MIDEAS: variants seen among roughly 807,000 people sequenced by gnomAD.
MIDEAS encodes the protein mitotic deacetylase-associated SANT domain protein.
In MIDEAS, 26 loss-of-function variants were observed where a neutral mutation model predicts 102.7. That is an observed-to-expected ratio of 0.25 (90% CI 0.19 to 0.35). MIDEAS has a LOEUF of 0.35. Among genes scored for constraint, MIDEAS ranks in the 10% least tolerant of loss-of-function variants. The pLI is 1.00. For synonymous variants in MIDEAS, 585 were observed against 591.0 expected (o/e 0.99, Z 0.15); for missense variants, 1,231 against 1,435.6 (o/e 0.86, Z 2.30).
intron 1 of MIDEAS, among the ~76,000 whole-genome samples, chr14:73,765,452 A>G (rs1002815856): frequency 6.6e-6 from 1 of 152,184 alleles, no homozygotes; most frequent in Admixed American, 6.5e-5. Flanking sequence ...TAAGTCTTTT[A>G]TAAGTGTTGG....
intron 9 of MIDEAS, chr14:73,724,655 TA>T (rs1410998180): frequency 6.4e-6 from 1 of 155,578 alleles, no homozygotes; most frequent in East Asian, 1.9e-4. Flanking sequence ...ATGCTCTTTT[TA>T]AAAACTCTTT....
At chr14:73,769,061 G>A (rs560470446) in intron 1 of MIDEAS, among the ~76,000 whole-genome samples, 234 of 152,314 alleles carry the variant, frequency 1.5e-3, no homozygotes, top group African/African-American at 5.6e-3. Flanking sequence ...TGGGCCAGAT[G>A]CATTCCAGTG....
intron 1 of MIDEAS, among the ~76,000 whole-genome samples, chr14:73,786,172 G>A (rs745911550): frequency 1.8e-4 from 28 of 152,162 alleles, no homozygotes; most frequent in Non-Finnish European, 3.2e-4. Context: ...CGCCGCCGCC[G>A]CTACAGTTGC....
At chr14:73,760,460 TC>T (rs1318372255), upstream of MIDEAS, among the ~76,000 whole-genome samples, 1 of 151,932 alleles carries the variant, frequency 6.6e-6, no homozygotes, top group Non-Finnish European at 1.5e-5. This position sits in a 1 kb window ranked among gnomAD's most constrained non-coding sequence, Gnocchi z 4.8. Context: ...GCCGTCCCCA[TC>T]CCCCGCCCAG....
rs2052931860 is a variant in MIDEAS, at chr14:73,718,743, C to T, written c.*100G>A. On this transcript the variant is annotated 3_prime_UTR_variant, in exon 13 of 13. Transcript: ENST00000423556. Reference sequence around the variant, plus strand: ...TTTCGCAGGGAAAAGTCCCTGCAATCCTCTCCTCACTCCCTCTTGAGATGC... The same window carrying T: ...TTTCGCAGGGAAAAGTCCCTGCAATTCTCTCCTCACTCCCTCTTGAGATGC... The T allele has an allele frequency of 8.2e-7, 1 of 1,212,942 alleles. No homozygotes were observed. Among genetic ancestry groups the T allele is most frequent in the Non-Finnish European group, 1.1e-6 (1 of 941,614 alleles). 75.1% of individuals were successfully genotyped at this position (1,212,942 alleles called of 1,614,324 possible).
In MIDEAS at chr14:73,740,075, C is replaced by A; in HGVS notation, c.-67G>T. On this transcript the variant is annotated 5_prime_UTR_variant, in exon 2 of 13. Coordinates refer to ENST00000423556, the MANE Select transcript of MIDEAS (RefSeq NM_001367710.1). ...AGTCGCCCATCCCCTGGGGAAACGT[C>A]CTGCTGGAAGCCGGGCTCTAGTCCA... is the stretch of plus-strand genomic sequence containing the variant. 1.4e-6 allele frequency: 2 copies of A among 1,411,630 alleles called. No homozygotes were observed. Among genetic ancestry groups the A allele is most frequent in the Admixed American group, 2.6e-5 (1 of 37,926 alleles). 87.4% of individuals were successfully genotyped at this position (1,411,630 alleles called of 1,614,324 possible).
intron 1 of MIDEAS, among the ~76,000 whole-genome samples, chr14:73,751,464 G>A (rs2053418494): frequency 6.6e-6 from 1 of 152,202 alleles, no homozygotes; most frequent in Admixed American, 6.5e-5. Context: ...GGGCAGGTGA[G>A]TGGCTTTGAA....
Position 73,719,318 on chromosome 14 carries a change from T to A in MIDEAS, c.3121A>T (p.Lys1041Ter). The A allele has an allele frequency of 6.2e-7, 1 of 1,609,052 alleles. No homozygotes were observed. The highest frequency in any genetic ancestry group is 8.5e-7 in the Non-Finnish European group (1 of 1,177,112). ...TGCCCACCTTACCTGCCACATTTTT[T>A]ACAGGGGAAAGTGTTCTCCTGATTC... ...TQNQENTFPC[K>*]KCGRVFYKVK... Residue 1041 changes from lysine to a stop codon, truncating the protein, a stop_gained, in exon 12 of 13, where the codon AAA becomes TAA. Transcript: ENST00000423556. LOFTEE classifies it high-confidence loss of function.
chr14:73,775,205 G>A (rs1595299278), intron 1 of MIDEAS, among the ~76,000 whole-genome samples: 1 of 151,942 alleles, frequency 6.6e-6, no homozygotes, highest in East Asian at 1.9e-4. Context: ...TGCTAGGGAA[G>A]GGGTAGTGGT....
intron 4 of MIDEAS, chr14:73,728,314 A>G (rs1595257448): frequency 6.6e-6 from 1 of 151,656 alleles, no homozygotes; most frequent in African/African-American, 2.4e-5. Context: ...AATGTGAGAT[A>G]AAACCTGCAA....
rs747867898 is a variant in MIDEAS, at chr14:73,739,235, CTGCTGCTGCTGTGGT to C, written c.759_773del (p.Pro254_Gln258del). 8.1e-6 allele frequency: 13 copies of C among 1,612,588 alleles called. No homozygotes were observed. Among genetic ancestry groups the C allele is most frequent in the Non-Finnish European group, 9.3e-6 (11 of 1,179,630 alleles). On this transcript the variant is annotated inframe_deletion, in exon 2 of 13. Coordinates refer to ENST00000423556, the MANE Select transcript of MIDEAS (RefSeq NM_001367710.1). ...GGGGTAGGGCTGCCTGCTGCTGCTG[CTGCTGCTGCTGTGGT>C]TGCTGCTGCTGCTGCTGCTTCTGTG...
chr14:73,729,639 C>A lies in MIDEAS; in HGVS notation c.2095+1G>T. On this transcript the variant is annotated splice_donor_variant, in intron 4 of 12. Coordinates refer to ENST00000423556, the MANE Select transcript of MIDEAS (RefSeq NM_001367710.1). LOFTEE classifies it high-confidence loss of function. ...CAGGGTCGCGGAGGGAGGTCACTCA[C>A]TAGTCCGGAGCAGCGTGCGATGGGC... 1 of 1,599,546 alleles carries A rather than the reference C, an allele frequency of 6.3e-7. No individual in the cohort carries two copies. Among genetic ancestry groups the A allele is most frequent in the Non-Finnish European group, 8.5e-7 (1 of 1,170,402 alleles).
rs2052903370 is a variant in MIDEAS, at chr14:73,717,091, G to A, written c.*1752C>T. ...TGGGGTCCTGTAGAACCATACTAAT[G>A]TACAAATGGATGCTGAAAAATACCT... On this transcript the variant is annotated 3_prime_UTR_variant, in exon 13 of 13. Coordinates refer to ENST00000423556, the MANE Select transcript of MIDEAS (RefSeq NM_001367710.1). 1 of 152,280 alleles carries A rather than the reference G, an allele frequency of 6.6e-6. No homozygotes were observed. Among genetic ancestry groups the A allele is most frequent in the African/African-American group, 2.4e-5 (1 of 41,414 alleles). 9.4% of individuals were successfully genotyped at this position (152,280 alleles called of 1,614,324 possible). A position where few individuals can be genotyped will look rare whatever the true frequency, so the allele number is the denominator to read the frequency against.
chr14:73,733,164 C>T (rs1174733767), intron 3 of MIDEAS, among the ~76,000 whole-genome samples: 1 of 152,182 alleles, frequency 6.6e-6, no homozygotes, highest in Non-Finnish European at 1.5e-5. Flanking sequence ...GGCAAACCCC[C>T]AGGCTTTGGA....
At chr14:73,774,201 C>T (rs1420037056) in intron 1 of MIDEAS, among the ~76,000 whole-genome samples, 2 of 151,742 alleles carry the variant, frequency 1.3e-5, no homozygotes, top group African/African-American at 4.8e-5. Flanking sequence ...TGCCAGGCTC[C>T]ATTCACAGGA....
At chr14:73,764,359 AAAAAC>A (rs1555345439), upstream of MIDEAS, among the ~76,000 whole-genome samples, 8 of 117,636 alleles carry the variant, frequency 6.8e-5, no homozygotes, top group African/African-American at 1.7e-4. Flanking sequence ...AAAAAAAAAA[AAAAAC>A]AAAACAAAAC....
At chr14:73,719,222 T>TCCCCCGGCCCCCCCCCCCCCCCCC in intron 12 of MIDEAS, 83 bp downstream of exon 12, 1 of 1,497,114 alleles carries the variant, frequency 6.7e-7, no homozygotes, top group Non-Finnish European at 8.9e-7. Context: ...CTGTACCTCT[T>TCCCCCGGCCCCCCCCCCCCCCCCC]CCCCCTCCCC....
intron 1 of MIDEAS, among the ~76,000 whole-genome samples, chr14:73,768,804 A>T (rs1013497334): frequency 2.0e-5 from 3 of 152,042 alleles, no homozygotes; most frequent in Middle Eastern, 3.2e-3. Context: ...TATTTTTTTT[A>T]AATCAGAAAA....
intron 1 of MIDEAS, among the ~76,000 whole-genome samples, chr14:73,744,270 C>G (rs1229936261): frequency 1.3e-5 from 2 of 152,226 alleles, no homozygotes; most frequent in Non-Finnish European, 2.9e-5. Flanking sequence ...AGAGCCATCA[C>G]CACAGGGCAA....
Sources: allele counts gnomAD v4.1 joint callset (sites outside exome capture counted in the v4.1 genomes callset), GRCh38; gene constraint gnomAD v4.1.1; non-coding constraint Gnocchi (gnomAD v3.1); transcripts MANE v1.5; gene names NCBI Gene and HGNC (gene_info 2026-07-23, HGNC 2026-07-21).